The following MYL7 variants were observed in gnomAD, a reference collection of about 807,000 sequenced individuals.
MYL7 encodes myosin regulatory light chain 2, atrial isoform.
A neutral mutation model predicts 22.5 loss-of-function variants in MYL7; 27 were observed. The observed-to-expected ratio is 1.20, with a 90% confidence interval of 0.89 to 1.66. The LOEUF is 1.66. Ranked by LOEUF, MYL7 falls within the 40% of genes most tolerant of loss-of-function variation. The probability of loss-of-function intolerance (pLI) is 0.00; values close to 1 mark genes in which losing one functional copy is unlikely to be tolerated. For missense variants in MYL7, 209 were observed against 226.8 expected, an observed-to-expected ratio of 0.92 and a Z score of 0.50; for synonymous variants, 81 against 84.4, an observed-to-expected ratio of 0.96 and a Z score of 0.22.
intron 2 of MYL7, 62 bp from the exon 3 acceptor site, chr7:44,140,849 G>A (rs1046846461): frequency 6.3e-7 from 1 of 1,594,902 alleles, no homozygotes; most frequent in African/African-American, 1.4e-5. Flanking sequence ...GGGAGGTGGG[G>A]GAGAGACCTG....
chr7:44,139,111 C>T, intron 6 of MYL7, 89 bp from the exon 7 acceptor site: 8 of 953,634 alleles, frequency 8.4e-6, no homozygotes, highest in African/African-American at 1.6e-5. Context: ...TTTCTGTCTG[C>T]CCCCTGCATC....
At chr7:44,140,875 A>C (rs774434327) in intron 2 of MYL7, 86 bp downstream of exon 2, 1 of 1,287,796 alleles carries the variant, frequency 7.8e-7, no homozygotes, top group Non-Finnish European at 1.0e-6. Context: ...TGTGAGAGGC[A>C]AGGTCAGGGT....
intron 1 of MYL7, 94 bp from the exon 2 acceptor site, chr7:44,141,168 G>C (rs923354749): frequency 5.1e-6 from 8 of 1,569,914 alleles, no homozygotes; most frequent in Middle Eastern, 1.7e-4. Flanking sequence ...ATTCCCAGGA[G>C]AGCCAGGGCC....
At chr7:44,140,858 T>C in intron 2 of MYL7, 71 bp from the exon 3 acceptor site, 4 of 1,270,004 alleles carry the variant, frequency 3.1e-6, no homozygotes, top group Non-Finnish European at 4.1e-6. Context: ...GGGAGAGACC[T>C]GGGTGGTGTG....
rs551142776 is a variant in MYL7 at position 44,140,578 on chromosome 7, G to A, written c.193+134C>T. On this transcript the variant is annotated intron_variant, in intron 3 of 6. Coordinates refer to ENST00000223364, the MANE Select transcript of MYL7 (RefSeq NM_021223.3). ...GAAGTGGAAGCAAGGCGTGACAAGG[G>A]GGGAAGGGCAGTGTGAGGAGACGGG... The A allele has an allele frequency of 5.5e-5, 63 of 1,149,134 alleles. 1 individual carries two copies. The East Asian group carries it at 7.3e-4, about 13-fold the overall frequency. The allele number at this position is 1,149,134 out of a possible 1,614,324, so 71.2% of individuals were successfully genotyped here.
At chr7:44,140,891 G>C (rs572400708) in intron 2 of MYL7, 70 bp downstream of exon 2, 9 of 1,581,352 alleles carry the variant, frequency 5.7e-6, no homozygotes, top group African/African-American at 2.7e-5. Context: ...AGGGTAGAAG[G>C]GGGGTATGTA....
At position 44,138,897 on chromosome 7, in the gene MYL7, C is replaced by T; in HGVS notation, c.*24G>A. The T allele has an allele frequency of 2.5e-6, 4 of 1,587,894 alleles. No homozygotes were observed. The highest frequency in any genetic ancestry group is 2.2e-5 in the East Asian group (1 of 44,732). On this transcript the variant is annotated 3_prime_UTR_variant, in exon 7 of 7. Transcript: ENST00000223364. ...TTGCAACAGAGTTTATTGAGGTGCC[C>T]CCCCGTGGGCCTGGCCCTGCCCCTC...
At chr7:44,140,547 G>A in intron 3 of MYL7, 120 bp from the exon 4 acceptor site, 1 of 1,179,306 alleles carries the variant, frequency 8.5e-7, no homozygotes, top group Non-Finnish European at 1.2e-6. Flanking sequence ...TGTGGGTCGG[G>A]AAGGTGAAGT....
Position 44,140,807 on chromosome 7 carries a change from A to G in MYL7, c.118-20T>C, listed in dbSNP as rs1241639429. ...GAAGGCCTGTGGGATGGGGGCCTTC[A>G]GGTGGGAGCAGCCCCCAGCTCTAGG... On this transcript the variant is annotated intron_variant, in intron 2 of 6. Coordinates refer to ENST00000223364, the MANE Select transcript of MYL7 (RefSeq NM_021223.3). 6.3e-7 allele frequency: 1 copy of G among 1,592,028 alleles called. No individual in the cohort carries two copies. The highest frequency in any genetic ancestry group is 1.4e-5 in the African/African-American group (1 of 73,210).
chr7:44,140,722 G>T lies in MYL7; in HGVS notation c.183C>A (p.Tyr61Ter). ...GGTGGGTGCACGCACCCAGCTGGGA[G>T]TAGGTCTCCCTCAGGTCTGCCTTGC... ...IICKADLRET[Y>*]SQLGKVSVPE... The change falls in exon 3 of 7, where the codon TAC becomes TAA. Residue 61 changes from tyrosine to a stop codon, truncating the protein, a stop_gained. Transcript: ENST00000223364. LOFTEE classifies it high-confidence loss of function. 6.2e-7 allele frequency: 1 copy of T among 1,609,126 alleles called. No individual in the cohort carries two copies. Among genetic ancestry groups the T allele is most frequent in the Non-Finnish European group, 8.5e-7 (1 of 1,177,578 alleles).
At position 44,139,562 on chromosome 7, in the gene MYL7, G is replaced by C; in HGVS notation, c.385C>G (p.Gln129Glu). 1 of 1,608,028 alleles carries C rather than the reference G, an allele frequency of 6.2e-7. No homozygotes were observed. Among genetic ancestry groups the C allele is most frequent in the Non-Finnish European group, 8.5e-7 (1 of 1,176,876 alleles). The change falls in exon 6 of 7, where the codon CAG becomes GAG. Residue 129 changes from glutamine to glutamate, a missense_variant. Coordinates refer to ENST00000223364, the MANE Select transcript of MYL7 (RefSeq NM_021223.3). Reference protein sequence around the residue: ...KGVVNKDEFKQLLLTQADKFS... With the variant: ...KGVVNKDEFKELLLTQADKFS... Reference sequence around the variant, plus strand: ...TTGTCTGCCTGGGTCAGGAGAAGCTGCTTGAACCTGGGGGGTGAGGAGGGT... The same window carrying C: ...TTGTCTGCCTGGGTCAGGAGAAGCTCCTTGAACCTGGGGGGTGAGGAGGGT...
At position 44,140,949 on chromosome 7, in the gene MYL7, G is replaced by C. The variant is rs745770886; in HGVS notation, c.117+12C>G. 5.9e-5 allele frequency: 95 copies of C among 1,610,692 alleles called. No homozygotes were observed. The highest frequency in any genetic ancestry group is 8.0e-5 in the Non-Finnish European group (94 of 1,177,236). Reference sequence around the variant, plus strand: ...AGGATGGGATCTGAGGCTACTGGGAGTGGGCACTCACTTCTTTGAACTCCT... The same window carrying C: ...AGGATGGGATCTGAGGCTACTGGGACTGGGCACTCACTTCTTTGAACTCCT... On this transcript the variant is annotated intron_variant, in intron 2 of 6. Coordinates refer to ENST00000223364, the MANE Select transcript of MYL7 (RefSeq NM_021223.3).
Position 44,140,357 on chromosome 7 carries a change from G to C in MYL7, c.264C>G (p.Thr88=). Residue 88 remains threonine (T), a synonymous_variant, in exon 4 of 7, where the codon ACC becomes ACG. Coordinates refer to ENST00000223364, the MANE Select transcript of MYL7 (RefSeq NM_021223.3). ...TCTCCCCAAAGAGCGTGAGGAAGAC[G>C]GTGAAGTTGATGGGGCCCTTGCCCT... is the stretch of plus-strand genomic sequence containing the variant. The part of the protein sequence containing the change: ...LQEGKGPINF[T]VFLTLFGEKL... The C allele has an allele frequency of 6.2e-7, 1 of 1,614,058 alleles. No homozygotes were observed.
In MYL7 at chr7:44,138,889, G is replaced by A. The variant is rs757656618; in HGVS notation, c.*32C>T. On this transcript the variant is annotated 3_prime_UTR_variant, in exon 7 of 7. Coordinates refer to ENST00000223364, the MANE Select transcript of MYL7 (RefSeq NM_021223.3). The stretch of plus-strand genomic sequence containing the variant: ...TTCCAATTTTGCAACAGAGTTTATT[G>A]AGGTGCCCCCCCGTGGGCCTGGCCC... 1 of 1,574,414 alleles carries A rather than the reference G, an allele frequency of 6.4e-7. No homozygotes were observed. Among genetic ancestry groups the A allele is most frequent in the Non-Finnish European group, 8.7e-7 (1 of 1,143,958 alleles).
Position 44,139,546 on chromosome 7 carries a change from T to C in MYL7, c.401A>G (p.Gln134Arg). 1 of 1,611,678 alleles carries C rather than the reference T, an allele frequency of 6.2e-7. No individual in the cohort carries two copies. Among genetic ancestry groups the C allele is most frequent in the East Asian group, 2.2e-5 (1 of 44,844 alleles). ...CTCAGCTGGAGAGAACTTGTCTGCC[T>C]GGGTCAGGAGAAGCTGCTTGAACCT... ...KDEFKQLLLT[Q>R]ADKFSPAEVE... The change falls in exon 6 of 7, where the codon CAG becomes CGG. Residue 134 changes from glutamine to arginine, a missense_variant. Transcript: ENST00000223364.
At chr7:44,140,178 C>T in intron 4 of MYL7, 145 bp downstream of exon 4, 1 of 669,340 alleles carries the variant, frequency 1.5e-6, no homozygotes, top group Non-Finnish European at 2.6e-6. Flanking sequence ...AGGAAGAGTC[C>T]AGGTGGGTCC....
At position 44,141,037 on chromosome 7, in the gene MYL7, G is replaced by A. The variant is rs866932882; in HGVS notation, c.41C>T (p.Ala14Val). 6.2e-7 allele frequency: 1 copy of A among 1,613,882 alleles called. No homozygotes were observed. The highest frequency in any genetic ancestry group is 1.7e-5 in the Admixed American group (1 of 60,002). Residue 14 changes from alanine to valine, a missense_variant, in exon 2 of 7, where the codon GCC (alanine) becomes GTC (valine). Ala to Val is a moderately conservative substitution (Grantham distance 64). Coordinates refer to ENST00000223364, the MANE Select transcript of MYL7 (RefSeq NM_021223.3). ...RKAGTRGKVA[A>V]TKQAQRGSSN... ...AGAACCACGTTGGGCCTGCTTGGTG[G>A]CTGCCACCTTGCCCCGGGTCCCCGC...
chr7:44,140,932 A>C (rs753601016), intron 2 of MYL7, 29 bp downstream of exon 2: 1 of 1,599,890 alleles, frequency 6.3e-7, no homozygotes, highest in African/African-American at 1.3e-5. Flanking sequence ...CCAGGATGGG[A>C]TCTGAGGCTA....
Position 44,138,907 on chromosome 7 carries a change from C to T in MYL7, c.*14G>A. On this transcript the variant is annotated 3_prime_UTR_variant, in exon 7 of 7. Transcript: ENST00000223364. ...GTTTATTGAGGTGCCCCCCCGTGGG[C>T]CTGGCCCTGCCCCTCATTCCTCTTT... is the stretch of plus-strand genomic sequence containing the variant. 6.2e-7 allele frequency: 1 copy of T among 1,609,492 alleles called. No homozygotes were observed. The highest frequency in any genetic ancestry group is 1.1e-5 in the South Asian group (1 of 90,992).
Sources: allele counts gnomAD v4.1 joint callset, GRCh38; gene constraint gnomAD v4.1.1; transcripts MANE v1.5; gene names NCBI Gene and HGNC (gene_info 2026-07-23, HGNC 2026-07-21).